POU6F2: variants seen among roughly 807,000 people sequenced by gnomAD.
POU6F2 encodes POU domain, class 6, transcription factor 2.
In POU6F2, 31 loss-of-function variants were observed where a neutral mutation model predicts 71.3. The ratio of observed to expected loss-of-function variants is 0.43; its 90% confidence interval spans 0.33 to 0.59. POU6F2 has a LOEUF of 0.59. POU6F2 is among the 20% of genes least tolerant of loss of function. The pLI, the probability that POU6F2 is intolerant of heterozygous loss-of-function variation, is 0.04. For synonymous variants in POU6F2, 347 were observed against 355.7 expected, an observed-to-expected ratio of 0.98 and a Z score of 0.27; for missense variants, 783 against 856.8, an observed-to-expected ratio of 0.91 and a Z score of 1.07.
In POU6F2 at chr7:39,460,657, G is replaced by A. The variant is rs979240421; in HGVS notation, c.1600G>A (p.Val534Met). Residue 534 changes from valine (V) to methionine (M), a missense_variant, in exon 9 of 10, where the codon GTG (valine) becomes ATG (methionine). This residue lies in a region of POU6F2 where 211 missense variants were observed against 283.9 expected (regional missense o/e 0.74). Coordinates refer to ENST00000518318, the MANE Select transcript of POU6F2 (RefSeq NM_001370959.1). The surrounding 1 kb of genome is among the most constrained non-coding windows in gnomAD (Gnocchi z 4.4). ...GTCCCTTGGCCTGACCCAGACTCAGGTGGGACAGGCTCTCAGTGCTACAGA... is the reference window on the plus strand; with the variant it reads ...GTCCCTTGGCCTGACCCAGACTCAGATGGGACAGGCTCTCAGTGCTACAGA... The part of the protein sequence containing the change: ...RLSLGLTQTQ[V>M]GQALSATEGP... 2.5e-6 allele frequency: 4 copies of A among 1,609,786 alleles called. No individual in the cohort carries two copies. The highest frequency in any genetic ancestry group is 1.7e-5 in the Admixed American group (1 of 59,466).
At chr7:39,454,655 GA>G (rs1788742191) in intron 8 of POU6F2, among the ~76,000 whole-genome samples, 3 of 63,334 alleles carry the variant, frequency 4.7e-5, no homozygotes, top group African/African-American at 1.4e-4. Context: ...GAAGACCAGG[GA>G]TATATATATA....
chr7:39,419,015 G>GTGTATA (rs1177120129), intron 6 of POU6F2, among the ~76,000 whole-genome samples: 3 of 121,744 alleles, frequency 2.5e-5, no homozygotes, highest in Admixed American at 8.2e-5. Context: ...GTGTATATAT[G>GTGTATA]TATATATATG....
chr7:39,329,493 C>T (rs1158811017), intron 4 of POU6F2, among the ~76,000 whole-genome samples: 1 of 152,084 alleles, frequency 6.6e-6, no homozygotes, highest in Admixed American at 6.6e-5. Context: ...TCTTAGAAGT[C>T]ATTTGATTCT....
chr7:39,129,923 C>T (rs556632137), intron 2 of POU6F2, among the ~76,000 whole-genome samples: 89 of 151,820 alleles, frequency 5.9e-4, no homozygotes, highest in Non-Finnish European at 1.1e-3. Flanking sequence ...AAAAATTAGC[C>T]GGGCGTGGTG....
intron 4 of POU6F2, among the ~76,000 whole-genome samples, chr7:39,229,249 G>A (rs1212044954): frequency 6.6e-6 from 1 of 152,234 alleles, no homozygotes; most frequent in African/African-American, 2.4e-5. Flanking sequence ...GCATCCTCCA[G>A]CCCCACTTCA....
In POU6F2 at chr7:39,068,490, C is replaced by CATAT. The variant is rs3057275; in HGVS notation, c.106-17356_106-17353dup. On this transcript the variant is annotated intron_variant, in intron 1 of 9. Transcript: ENST00000518318. The stretch of plus-strand genomic sequence containing the variant: ...AGATTATATATACACCTAGTACATG[C>CATAT]ATATATATATATATATAATTTTCAT... Among the ~76,000 whole-genome samples the CATAT allele has an allele frequency of 3.9e-3, 574 of 146,706 alleles. 1 individual carries two copies. The highest frequency in any genetic ancestry group is 0.012 in the Admixed American group (174 of 14,730).
chr7:39,175,737 G>A (rs1793313931), intron 2 of POU6F2, among the ~76,000 whole-genome samples: 2 of 152,256 alleles, frequency 1.3e-5, no homozygotes, highest in East Asian at 1.9e-4. Flanking sequence ...GTGGCCTCAT[G>A]TATGGCCACC....
At chr7:39,029,506 T>A (rs1288463827) in intron 1 of POU6F2, among the ~76,000 whole-genome samples, 8 of 151,640 alleles carry the variant, frequency 5.3e-5, no homozygotes, top group Non-Finnish European at 1.5e-5. Context: ...GGGGGGTGGA[T>A]GATGAGAAAT....
rs368449669 is a variant in POU6F2 at position 39,000,365 on chromosome 7, T to A, written c.105+22307T>A. Among the ~76,000 whole-genome samples, 15 of 152,338 alleles carry A rather than the reference T, an allele frequency of 9.8e-5. No homozygotes were observed. In the East Asian group the frequency reaches 2.5e-3, roughly 26 times the overall value. ...GATTCACTTATAAGGCTTTTACTTC[T>A]AGCGATCACTTGGACTGTCTAGTGA... On this transcript the variant is annotated intron_variant, in intron 1 of 9. Coordinates refer to ENST00000518318, the MANE Select transcript of POU6F2 (RefSeq NM_001370959.1).
intron 1 of POU6F2, among the ~76,000 whole-genome samples, chr7:39,047,765 T>G (rs897843551): frequency 6.6e-6 from 1 of 151,966 alleles, no homozygotes; most frequent in African/African-American, 2.4e-5. Context: ...CATGAATGCA[T>G]GTGGAATTTT....
chr7:39,047,203 G>T (rs1405452214), intron 1 of POU6F2, among the ~76,000 whole-genome samples: 2 of 151,728 alleles, frequency 1.3e-5, no homozygotes, highest in Non-Finnish European at 2.9e-5. Context: ...CTGCATTTAT[G>T]TATAAATTTT....
chr7:39,353,467 C>T (rs998378328), intron 5 of POU6F2, among the ~76,000 whole-genome samples: 11 of 152,128 alleles, frequency 7.2e-5, no homozygotes, highest in African/African-American at 1.9e-4. Context: ...TGCATACTTG[C>T]GTTTGCTTAA....
intron 2 of POU6F2, among the ~76,000 whole-genome samples, chr7:39,193,956 A>G (rs958888096): frequency 6.6e-6 from 1 of 152,234 alleles, no homozygotes; most frequent in Non-Finnish European, 1.5e-5. Context: ...AATAATATAT[A>G]CAAAGTCATT....
At chr7:39,015,692 A>T (rs1350435629) in intron 1 of POU6F2, among the ~76,000 whole-genome samples, 1 of 100,456 alleles carries the variant, frequency 1.0e-5, no homozygotes, top group African/African-American at 4.0e-5. Flanking sequence ...TTATATATCT[A>T]TATATTATAT....
In POU6F2 at chr7:39,462,737, G is replaced by A. The variant is rs1306215405; in HGVS notation, c.1659-1445G>A. Among the ~76,000 whole-genome samples, 2 of 152,196 alleles carry A rather than the reference G, an allele frequency of 1.3e-5. 1 individual carries two copies. Among genetic ancestry groups the A allele is most frequent in the Admixed American group, 1.3e-4 (2 of 15,274 alleles). Reference sequence around the variant, plus strand: ...ATGATCAGTTCACTCTGTATTGAAAGTAAATGTACTCCTTCCGTCCTTGAC... The same window carrying A: ...ATGATCAGTTCACTCTGTATTGAAAATAAATGTACTCCTTCCGTCCTTGAC... On this transcript the variant is annotated intron_variant, in intron 9 of 9. Transcript: ENST00000518318.
chr7:39,036,135 T>C (rs1482615767), intron 1 of POU6F2, among the ~76,000 whole-genome samples: 1 of 152,128 alleles, frequency 6.6e-6, no homozygotes, highest in Non-Finnish European at 1.5e-5. Flanking sequence ...TCTCTCTGTC[T>C]GTGATGAAGG....
At chr7:39,281,904 AT>A (rs1215888015) in intron 4 of POU6F2, among the ~76,000 whole-genome samples, 1 of 152,134 alleles carries the variant, frequency 6.6e-6, no homozygotes, top group Non-Finnish European at 1.5e-5. Context: ...GGCTATACTA[AT>A]TTGCATTTAC....
intron 5 of POU6F2, among the ~76,000 whole-genome samples, chr7:39,360,380 C>T (rs966003076): frequency 1.3e-5 from 2 of 152,134 alleles, no homozygotes; most frequent in Middle Eastern, 3.2e-3. Flanking sequence ...ACAAGCCATA[C>T]ACAGTTGTTA....
rs568153245 is a variant in POU6F2, at chr7:39,358,245, G to A, written c.972+18230G>A. Among the ~76,000 whole-genome samples the A allele has an allele frequency of 1.1e-4, 17 of 152,000 alleles. 1 individual carries two copies. The South Asian group carries it at 1.3e-3, about 11-fold the overall frequency. On this transcript the variant is annotated intron_variant, in intron 5 of 9. Coordinates refer to ENST00000518318, the MANE Select transcript of POU6F2 (RefSeq NM_001370959.1). ...CCTACAGAAATACAAATGAAATGATGGCATGCCCTAGGATTTTTTTCTAAA... is the reference window on the plus strand; with the variant it reads ...CCTACAGAAATACAAATGAAATGATAGCATGCCCTAGGATTTTTTTCTAAA...
Sources: gnomAD v4.1 joint callset for allele counts (sites outside exome capture counted in the v4.1 genomes callset) on GRCh38, gnomAD v4.1.1 for gene constraint, gnomAD v4.1.1 regional missense constraint, Gnocchi (gnomAD v3.1) non-coding constraint, MANE v1.5 for transcripts, NCBI Gene and HGNC (gene_info 2026-07-23, HGNC 2026-07-21) for gene names.